FAT3: variants seen among roughly 807,000 people sequenced by gnomAD.
FAT3 encodes FAT atypical cadherin 3.
In FAT3, 95 loss-of-function variants were observed where a neutral mutation model predicts 310.2. The observed-to-expected ratio is 0.31, with a 90% CI of 0.26 to 0.36. The LOEUF is 0.36. Among genes scored for constraint, FAT3 ranks in the 10% least tolerant of loss-of-function variants. FAT3 has a pLI of 1.00. For missense variants in FAT3, 5,408 were observed against 5,715.6 expected (o/e 0.95, Z 1.74); for synonymous variants, 2,314 against 2,192.9 (o/e 1.06, Z -1.54).
rs557333306 is a variant in FAT3 at position 92,455,518 on chromosome 11, G to C, written c.3293-69116G>C. 1.3e-3 allele frequency among the ~76,000 whole-genome samples: 203 copies of C among 152,248 alleles called. 1 individual carries two copies. The highest frequency in any genetic ancestry group is 4.8e-3 in the African/African-American group (198 of 41,572). ...GTGATCTGGGCAATCAAACTGAGCAGACAAGAAAAACACTGACAATTGTCT... is the reference window on the plus strand; with the variant it reads ...GTGATCTGGGCAATCAAACTGAGCACACAAGAAAAACACTGACAATTGTCT... On this transcript the variant is annotated intron_variant, in intron 2 of 27. Coordinates refer to ENST00000525166, the MANE Select transcript of FAT3 (RefSeq NM_001367949.2).
intron 4 of FAT3, among the ~76,000 whole-genome samples, chr11:92,733,881 C>T (rs907624255): frequency 6.6e-6 from 1 of 152,066 alleles, no homozygotes; most frequent in Non-Finnish European, 1.5e-5. Flanking sequence ...TCTTTATTTC[C>T]ATTTTTGAAA....
At chr11:92,233,561 T>C (rs1864282072) in intron 1 of FAT3, among the ~76,000 whole-genome samples, 1 of 152,218 alleles carries the variant, frequency 6.6e-6, no homozygotes, top group African/African-American at 2.4e-5. Context: ...GATGTTCAGC[T>C]AAATAGGTAT....
chr11:92,546,340 A>T (rs1218652130), intron 3 of FAT3, among the ~76,000 whole-genome samples: 2 of 152,198 alleles, frequency 1.3e-5, no homozygotes, highest in African/African-American at 4.8e-5. Context: ...AGCTAAGGAA[A>T]ACAGTGTTTC....
At chr11:92,406,258 C>T (rs1191669410) in intron 2 of FAT3, among the ~76,000 whole-genome samples, 1 of 152,090 alleles carries the variant, frequency 6.6e-6, no homozygotes, top group Non-Finnish European at 1.5e-5. Context: ...GACTCTTTTA[C>T]CATTTGAGCC....
chr11:92,554,122 T>C (rs2135448425), intron 3 of FAT3, among the ~76,000 whole-genome samples: 1 of 151,968 alleles, frequency 6.6e-6, no homozygotes, highest in Middle Eastern at 3.4e-3. Context: ...TTCTTTGTTA[T>C]TGTGAGATGC....
At chr11:92,546,019 G>T (rs190070907) in intron 3 of FAT3, among the ~76,000 whole-genome samples, 61 of 152,294 alleles carry the variant, frequency 4.0e-4, no homozygotes, top group South Asian at 2.1e-4. Context: ...CCACGTGCTT[G>T]TTAGATTTTT....
At chr11:92,460,693 C>T (rs574588330) in intron 2 of FAT3, among the ~76,000 whole-genome samples, 8 of 152,324 alleles carry the variant, frequency 5.3e-5, no homozygotes, top group East Asian at 1.9e-4. Flanking sequence ...CATCCCACTG[C>T]AAGAGAGTGA....
intron 1 of FAT3, among the ~76,000 whole-genome samples, chr11:92,348,586 G>A (rs1213500123): frequency 6.6e-6 from 1 of 152,152 alleles, no homozygotes; most frequent in Non-Finnish European, 1.5e-5. Flanking sequence ...AAAGGAAGAT[G>A]ACTCCAAAAT....
In FAT3 at chr11:92,765,062, A is replaced by G; in HGVS notation, c.4168A>G (p.Asn1390Asp). 11 of 1,613,736 alleles carry G rather than the reference A, an allele frequency of 6.8e-6. No individual in the cohort carries two copies. Among genetic ancestry groups the G allele is most frequent in the Non-Finnish European group, 9.3e-6 (11 of 1,179,802 alleles). Reference protein sequence around the residue: ...IVGVVSVQPANTPLWFDIVGG... With the variant: ...IVGVVSVQPADTPLWFDIVGG... ...AGGGGTGGTGTCTGTGCAGCCAGCT[A>G]ACACCCCTCTGTGGTTTGACATAGT... Residue 1390 changes from asparagine (N) to aspartate (D), a missense_variant, in exon 6 of 28, where the codon AAC becomes GAC. Around this residue, in one of 5 missense-constraint regions of FAT3, gnomAD observed 4,588 missense variants for 4,809.8 expected, o/e 0.95. Coordinates refer to ENST00000525166, the MANE Select transcript of FAT3 (RefSeq NM_001367949.2).
At chr11:92,594,485 C>T (rs17532493) in intron 3 of FAT3, among the ~76,000 whole-genome samples, 4,838 of 152,252 alleles carry the variant, frequency 0.032, 126 homozygotes, top group Non-Finnish European at 0.048. Context: ...CTCCTTTGTT[C>T]CACAGTCTTC....
intron 19 of FAT3, 77 bp from the exon 20 acceptor site, chr11:92,857,137 G>C: frequency 6.2e-7 from 1 of 1,606,354 alleles, no homozygotes; most frequent in Non-Finnish European, 8.5e-7. Flanking sequence ...TGTTCCCTTT[G>C]AACCTTTTCT....
intron 7 of FAT3, among the ~76,000 whole-genome samples, chr11:92,777,559 C>T (rs190683373): frequency 6.6e-6 from 1 of 152,280 alleles, no homozygotes; most frequent in East Asian, 1.9e-4. Context: ...GCAAGATGGA[C>T]AAGGGCCTCT....
Position 92,524,777 on chromosome 11 carries a change from C to G in FAT3, c.3436C>G (p.Pro1146Ala). ...IEVEDVNDNAPLTSEPIYYPV... is the reference protein window; with the variant it reads ...IEVEDVNDNAALTSEPIYYPV... ...AGTTGAAGATGTGAATGACAATGCCCCGCTGACCTCAGAACCTATATATTA... is the reference window on the plus strand; with the variant it reads ...AGTTGAAGATGTGAATGACAATGCCGCGCTGACCTCAGAACCTATATATTA... The change falls in exon 3 of 28, where the codon CCG becomes GCG. Residue 1146 changes from proline (P) to alanine (A), a missense_variant. This residue lies in a region of FAT3 where 4,588 missense variants were observed against 4,809.8 expected (regional missense o/e 0.95). Coordinates refer to ENST00000525166, the MANE Select transcript of FAT3 (RefSeq NM_001367949.2). The G allele has an allele frequency of 6.2e-7, 1 of 1,613,668 alleles. No individual in the cohort carries two copies. The highest frequency in any genetic ancestry group is 1.3e-5 in the African/African-American group (1 of 74,972).
intron 1 of FAT3, among the ~76,000 whole-genome samples, chr11:92,253,687 T>G (rs1031875660): frequency 6.6e-6 from 1 of 152,136 alleles, no homozygotes; most frequent in Non-Finnish European, 1.5e-5. Context: ...TAACTCAGGT[T>G]TCTTTTAATA....
Position 92,801,023 on chromosome 11 carries a change from A to G in FAT3, c.8010A>G (p.Lys2670=). Residue 2670 remains lysine (K), a synonymous_variant, in exon 10 of 28, where the codon AAA becomes AAG. Coordinates refer to ENST00000525166, the MANE Select transcript of FAT3 (RefSeq NM_001367949.2). ...MVTKGNFNQL[K]NTVLSFFVKA... is the part of the protein sequence containing the mutation. ...CAAAGGGTAATTTTAACCAGCTGAA[A>G]AATACAGTGCTTTCGTTCTTTGTCA... 1 of 1,613,734 alleles carries G rather than the reference A, an allele frequency of 6.2e-7. No homozygotes were observed.
In FAT3 at chr11:92,658,823, C is replaced by T. The variant is rs569392618; in HGVS notation, c.3608-38561C>T. ...CAGCTGGTTCAGCATGCCCCATCAGCTCAGCATAAGCCCTGTTCAATGAGC... is the reference window on the plus strand; with the variant it reads ...CAGCTGGTTCAGCATGCCCCATCAGTTCAGCATAAGCCCTGTTCAATGAGC... On this transcript the variant is annotated intron_variant, in intron 3 of 27. Coordinates refer to ENST00000525166, the MANE Select transcript of FAT3 (RefSeq NM_001367949.2). 2.0e-5 allele frequency among the ~76,000 whole-genome samples: 3 copies of T among 152,224 alleles called. No homozygotes were observed. The South Asian group carries it at 6.2e-4, about 32-fold the overall frequency.
intron 3 of FAT3, among the ~76,000 whole-genome samples, chr11:92,666,722 G>A (rs2135810658): frequency 6.6e-6 from 1 of 152,196 alleles, no homozygotes; most frequent in African/African-American, 2.4e-5. Flanking sequence ...TTCTGCTAAA[G>A]TGAGAGATAG....
chr11:92,454,327 C>A (rs971812757), intron 2 of FAT3, among the ~76,000 whole-genome samples: 1 of 152,104 alleles, frequency 6.6e-6, no homozygotes, highest in African/African-American at 2.4e-5. Context: ...AAAAAAGTAT[C>A]ATTCTAGTTG....
At chr11:92,725,566 A>T (rs1209305748) in intron 4 of FAT3, among the ~76,000 whole-genome samples, 2 of 152,144 alleles carry the variant, frequency 1.3e-5, no homozygotes, top group Admixed American at 1.3e-4. Context: ...AGAAAAAAAG[A>T]TCTTGTTACT....
Sources: allele counts gnomAD v4.1 joint callset (sites outside exome capture counted in the v4.1 genomes callset), GRCh38; gene constraint gnomAD v4.1.1; regional missense constraint gnomAD v4.1.1; transcripts MANE v1.5; gene names NCBI Gene and HGNC (gene_info 2026-07-23, HGNC 2026-07-21).